The following CADM2 variants were observed in gnomAD, a reference collection of about 807,000 sequenced individuals.
CADM2 encodes the protein cell adhesion molecule 2.
A neutral mutation model predicts 49.8 loss-of-function variants in CADM2; 12 were observed. That is an observed-to-expected ratio of 0.24 (90% CI 0.15 to 0.39). The LOEUF is 0.39. Among genes scored for constraint, CADM2 ranks in the 10% least tolerant of loss-of-function variants. The pLI, the probability that CADM2 is intolerant of heterozygous loss-of-function variation, is 1.00. For missense variants in CADM2, 378 were observed against 492.3 expected, an observed-to-expected ratio of 0.77 and a Z score of 2.20; for synonymous variants, 214 against 175.4, an observed-to-expected ratio of 1.22 and a Z score of -1.74.
chr3:85,104,546 G>A (rs996625989), intron 1 of CADM2, among the ~76,000 whole-genome samples: 17 of 152,056 alleles, frequency 1.1e-4, no homozygotes, highest in Non-Finnish European at 1.9e-4. Flanking sequence ...TTGACTTGGC[G>A]ATGCGGGCTC....
chr3:85,347,403 A>G (rs777155357), intron 1 of CADM2, among the ~76,000 whole-genome samples: 5 of 146,992 alleles, frequency 3.4e-5, no homozygotes, highest in Non-Finnish European at 7.5e-5. Flanking sequence ...GTACTTTTTA[A>G]TATCTACTCA....
At chr3:85,538,713 G>T (rs1451842729) in intron 1 of CADM2, among the ~76,000 whole-genome samples, 4 of 114,644 alleles carry the variant, frequency 3.5e-5, no homozygotes, top group African/African-American at 1.0e-4. Context: ...TAAAATCATG[G>T]TGTTAAAATC....
At chr3:85,283,290 A>G (rs1159506407) in intron 1 of CADM2, among the ~76,000 whole-genome samples, 3 of 151,842 alleles carry the variant, frequency 2.0e-5, no homozygotes, top group South Asian at 4.2e-4. Context: ...GTTTATTAAT[A>G]TTGGTAGTAG....
In CADM2 at chr3:85,237,909, T is replaced by C. The variant is rs945031567; in HGVS notation, c.61+278241T>C. 2.0e-5 allele frequency among the ~76,000 whole-genome samples: 3 copies of C among 152,034 alleles called. No individual in the cohort carries two copies. In the East Asian group the frequency reaches 5.8e-4, roughly 29 times the overall value. ...TCTTAAAATTGAATTTCAATGTTTT[T>C]ATTTGATCATATATTTTTTGGAAAG... On this transcript the variant is annotated intron_variant, in intron 1 of 9. Transcript: ENST00000383699.
chr3:85,966,505 ATTATC>A (rs1393325652), intron 8 of CADM2, among the ~76,000 whole-genome samples: 1 of 151,500 alleles, frequency 6.6e-6, no homozygotes, highest in African/African-American at 2.4e-5. Context: ...TCACTCCTTT[ATTATC>A]TTAACTCTTG....
At chr3:85,096,592 G>T (rs928386527) in intron 1 of CADM2, among the ~76,000 whole-genome samples, 2 of 151,680 alleles carry the variant, frequency 1.3e-5, no homozygotes, top group Non-Finnish European at 2.9e-5. Context: ...ATCTATAAAA[G>T]TATTAGTACA....
At chr3:85,544,894 G>GA (rs2061631728) in intron 1 of CADM2, among the ~76,000 whole-genome samples, 1 of 151,914 alleles carries the variant, frequency 6.6e-6, no homozygotes, top group East Asian at 1.9e-4. Context: ...GAAAGGAAGA[G>GA]AAAAAATAGA....
intron 1 of CADM2, among the ~76,000 whole-genome samples, chr3:84,966,527 A>G (rs937151782): frequency 6.6e-6 from 1 of 152,000 alleles, no homozygotes; most frequent in African/African-American, 2.4e-5. Flanking sequence ...CAAGACTTCC[A>G]CAAAAAAACA....
At chr3:85,099,420 T>C (rs960665438) in intron 1 of CADM2, among the ~76,000 whole-genome samples, 1 of 152,056 alleles carries the variant, frequency 6.6e-6, no homozygotes, top group Non-Finnish European at 1.5e-5. Context: ...CACTTACTTA[T>C]AAGTTCTCCC....
intron 1 of CADM2, among the ~76,000 whole-genome samples, chr3:85,008,146 C>A (rs1038966804): frequency 6.6e-6 from 1 of 152,202 alleles, no homozygotes; most frequent in Non-Finnish European, 1.5e-5. Context: ...TTGGCACCAA[C>A]TCCAGTCTAC....
chr3:85,509,902 G>T (rs924064477), intron 1 of CADM2, among the ~76,000 whole-genome samples: 2 of 151,832 alleles, frequency 1.3e-5, no homozygotes, highest in African/African-American at 4.8e-5. Context: ...AATAATGGAA[G>T]AATCTTCTTA....
chr3:86,044,138 G>A (rs1158177292), intron 8 of CADM2, among the ~76,000 whole-genome samples: 1 of 152,116 alleles, frequency 6.6e-6, no homozygotes, highest in African/African-American at 2.4e-5. Context: ...TACCATTCAG[G>A]ACATAGGCAT....
intron 1 of CADM2, among the ~76,000 whole-genome samples, chr3:85,533,169 A>T (rs377562315): frequency 6.6e-6 from 1 of 152,204 alleles, no homozygotes; most frequent in South Asian, 2.1e-4. Flanking sequence ...GCTAAAGACA[A>T]CATGAAAATC....
intron 3 of CADM2, among the ~76,000 whole-genome samples, chr3:85,822,301 G>A (rs80301959): frequency 0.025 from 3,832 of 152,102 alleles, 154 homozygotes; most frequent in African/African-American, 0.085. Flanking sequence ...ATTTTTTCCA[G>A]GGCCAGGTGC....
intron 1 of CADM2, among the ~76,000 whole-genome samples, chr3:85,354,644 A>AGAGAGAGAGAGAGAGAGAGAGAGAGAGAG: frequency 1.7e-4 from 3 of 17,758 alleles, no homozygotes; most frequent in Admixed American, 6.8e-4. Context: ...GAGAGAGAGA[A>AGAGAGAGAGAGAGAGAGAGAGAGAGAGAG]GCCTATTCTG....
At chr3:85,667,077 T>G (rs74400531) in intron 1 of CADM2, among the ~76,000 whole-genome samples, 22,860 of 151,962 alleles carry the variant, frequency 0.15, 1,833 homozygotes, top group African/African-American at 0.19. Flanking sequence ...CTAGTCTCCA[T>G]CTTAGATTTC....
At position 85,760,339 on chromosome 3, in the gene CADM2, C is replaced by CTTTT. The variant is rs11452370; in HGVS notation, c.88+33799_88+33802dup. Reference sequence around the variant, plus strand: ...CTGTGTCCTTGAAAGATGGATACTTCTTTTTTTTTTTCGTTTAAGAAAATC... The same window carrying CTTTT: ...CTGTGTCCTTGAAAGATGGATACTTCTTTTTTTTTTTTTTTCGTTTAAGAAAATC... On this transcript the variant is annotated intron_variant, in intron 2 of 9. Transcript: ENST00000383699. Among the ~76,000 whole-genome samples, 5 of 146,954 alleles carry CTTTT rather than the reference C, an allele frequency of 3.4e-5. No individual in the cohort carries two copies. In the East Asian group the frequency reaches 6.0e-4, roughly 18 times the overall value.
chr3:84,985,544 A>C (rs2032501204), intron 1 of CADM2, among the ~76,000 whole-genome samples: 1 of 151,730 alleles, frequency 6.6e-6, no homozygotes, highest in South Asian at 2.1e-4. Flanking sequence ...ATATTTAATC[A>C]TGGCTTATTA....
intron 7 of CADM2, among the ~76,000 whole-genome samples, chr3:85,938,363 G>A (rs183883182): frequency 1.3e-5 from 2 of 152,012 alleles, no homozygotes; most frequent in African/African-American, 2.4e-5. Flanking sequence ...AAATTGAAAC[G>A]GTTTAATCAG....
Sources: gnomAD v4.1 joint callset for allele counts (sites outside exome capture counted in the v4.1 genomes callset) on GRCh38, gnomAD v4.1.1 for gene constraint, MANE v1.5 for transcripts, NCBI Gene and HGNC (gene_info 2026-07-23, HGNC 2026-07-21) for gene names.